The following PRKN variants were observed in gnomAD, a reference collection of about 807,000 sequenced individuals.
PRKN encodes E3 ubiquitin-protein ligase parkin.
Under a neutral mutation model 59.5 loss-of-function variants are expected in PRKN, and 56 were observed. The ratio of observed to expected loss-of-function variants is 0.94; its 90% CI spans 0.76 to 1.18. The LOEUF (loss-of-function observed/expected upper bound fraction) is 1.18. Among genes scored for constraint, PRKN ranks in the 50% most tolerant of loss-of-function variants. PRKN has a pLI of 0.00. For synonymous variants in PRKN, 250 were observed against 222.1 expected (o/e 1.13, Z -1.12); for missense variants, 657 against 596.4 (o/e 1.10, Z -1.06).
chr6:161,515,610 C>A (rs1778558999), intron 9 of PRKN, among the ~76,000 whole-genome samples: 1 of 152,172 alleles, frequency 6.6e-6, no homozygotes, highest in Admixed American at 6.5e-5. Flanking sequence ...ACTATGATAA[C>A]TACAGCAAAT....
intron 4 of PRKN, among the ~76,000 whole-genome samples, chr6:162,134,094 C>G (rs1390150710): frequency 2.0e-5 from 3 of 151,986 alleles, no homozygotes; most frequent in African/African-American, 7.3e-5. Context: ...ATTTACAAAA[C>G]TCTATATGGT....
chr6:162,580,458 T>G lies in PRKN; in HGVS notation c.8-136985A>C, dbSNP rs992220648. ...TGTCTCAGAAAAAAAAAAAAAAAAG[T>G]AAAGAAAATAACTTCAAGGAGGGAC... On this transcript the variant is annotated intron_variant, in intron 1 of 11. Transcript: ENST00000366898. Among the ~76,000 whole-genome samples, 131 of 129,924 alleles carry G rather than the reference T, an allele frequency of 1.0e-3. 1 individual carries two copies. Among genetic ancestry groups the G allele is most frequent in the African/African-American group, 3.5e-3 (118 of 33,846 alleles). The allele number at this position is 129,924 out of a possible 152,430, so 85.2% of individuals were successfully genotyped here. A position where few individuals can be genotyped will look rare whatever the true frequency, so the allele number is the denominator to read the frequency against.
intron 4 of PRKN, among the ~76,000 whole-genome samples, chr6:162,185,620 C>T (rs142795458): frequency 1.3e-5 from 2 of 152,258 alleles, no homozygotes; most frequent in Admixed American, 1.3e-4. Flanking sequence ...GACAGCAGCT[C>T]TGTGGTACGA....
At chr6:161,662,713 A>G (rs912208133) in intron 7 of PRKN, among the ~76,000 whole-genome samples, 5 of 152,200 alleles carry the variant, frequency 3.3e-5, no homozygotes, top group Non-Finnish European at 7.4e-5. Flanking sequence ...GTGGGTTCCT[A>G]ACCTGTATCT....
At chr6:162,576,637 C>T (rs1336330739) in intron 1 of PRKN, among the ~76,000 whole-genome samples, 14 of 151,976 alleles carry the variant, frequency 9.2e-5, no homozygotes, top group African/African-American at 3.1e-4. Context: ...CATGGTGAAA[C>T]CCTGTCTCTA....
At chr6:162,275,652 G>A (rs1780604647) in intron 2 of PRKN, among the ~76,000 whole-genome samples, 2 of 152,072 alleles carry the variant, frequency 1.3e-5, no homozygotes, top group Non-Finnish European at 2.9e-5. Context: ...AGGCGTGGTG[G>A]CGGATGCCTG....
rs1791316635 is a variant in PRKN at position 161,480,093 on chromosome 6, G to A, written c.1083+68761C>T. 6.6e-6 allele frequency among the ~76,000 whole-genome samples: 1 copy of A among 152,216 alleles called. No homozygotes were observed. The highest frequency in any genetic ancestry group is 2.4e-5 in the African/African-American group (1 of 41,464). On this transcript the variant is annotated intron_variant, in intron 9 of 11. Coordinates refer to ENST00000366898, the MANE Select transcript of PRKN (RefSeq NM_004562.3). The surrounding 1 kb of genome is among the most constrained non-coding windows in gnomAD (Gnocchi z 4.1). ...TGAGGAGGGCAGCCTTCAGCCGTGT[G>A]CAGGCCATAGCATGAGCGAGAAATG...
chr6:162,369,191 A>C (rs1292370070), intron 2 of PRKN, among the ~76,000 whole-genome samples: 3 of 152,242 alleles, frequency 2.0e-5, no homozygotes, highest in African/African-American at 7.2e-5. Flanking sequence ...AAAAGAAATA[A>C]AACAGGAAAC....
At chr6:162,556,689 G>A (rs2128205324) in intron 1 of PRKN, among the ~76,000 whole-genome samples, 1 of 147,690 alleles carries the variant, frequency 6.8e-6, no homozygotes, top group South Asian at 2.2e-4. Context: ...AGAGGTTGCT[G>A]TGAGCCGAGA....
chr6:161,478,071 T>C (rs953267553), intron 9 of PRKN, among the ~76,000 whole-genome samples: 1 of 152,240 alleles, frequency 6.6e-6, no homozygotes, highest in Non-Finnish European at 1.5e-5. Flanking sequence ...AATGACAATA[T>C]ACACAGGCAG....
chr6:161,769,822 T>TAACC (rs1245074351), intron 7 of PRKN, among the ~76,000 whole-genome samples: 1 of 152,262 alleles, frequency 6.6e-6, no homozygotes, highest in East Asian at 1.9e-4. Context: ...CCTCAGAAGA[T>TAACC]AACCACCACC....
intron 2 of PRKN, among the ~76,000 whole-genome samples, chr6:162,324,468 C>G (rs9458521): frequency 0.45 from 67,681 of 151,502 alleles, 16,078 homozygotes; most frequent in Non-Finnish European, 0.54. Flanking sequence ...GAAAAGAAAC[C>G]CAAATTAACC....
chr6:161,538,027 G>C lies in PRKN; in HGVS notation c.1083+10827C>G, dbSNP rs767020686. On this transcript the variant is annotated intron_variant, in intron 9 of 11. Transcript: ENST00000366898. The surrounding 1 kb of genome is among the most constrained non-coding windows in gnomAD (Gnocchi z 4.2). ...CTTTGTGAAGAAAAATGTGATGTGT[G>C]TCAGGAACAATATTATTTCTGTCTG... Among the ~76,000 whole-genome samples, 3 of 152,168 alleles carry C rather than the reference G, an allele frequency of 2.0e-5. No individual in the cohort carries two copies. The highest frequency in any genetic ancestry group is 4.4e-5 in the Non-Finnish European group (3 of 68,030).
At chr6:161,513,643 C>T (rs534422710) in intron 9 of PRKN, among the ~76,000 whole-genome samples, 119 of 151,922 alleles carry the variant, frequency 7.8e-4, no homozygotes, top group African/African-American at 2.9e-3. Context: ...TGAAGGAACC[C>T]GAAGTTGGAC....
At chr6:162,605,729 C>T (rs1371002444) in intron 1 of PRKN, among the ~76,000 whole-genome samples, 5 of 152,032 alleles carry the variant, frequency 3.3e-5, no homozygotes, top group Non-Finnish European at 7.4e-5. Flanking sequence ...AGCAAATAAA[C>T]AGCTAAAAAG....
At position 161,401,135 on chromosome 6, in the gene PRKN, A is replaced by G. The variant is rs1177038554; in HGVS notation, c.1084-14258T>C. Among the ~76,000 whole-genome samples, 1 of 152,172 alleles carries G rather than the reference A, an allele frequency of 6.6e-6. No individual in the cohort carries two copies. The highest frequency in any genetic ancestry group is 2.4e-5 in the African/African-American group (1 of 41,426). Reference sequence around the variant, plus strand: ...TTGCAGTCTCTTAATTTAGCCAACAAAGAAGGTTGGCTCAAAGACACCTGT... The same window carrying G: ...TTGCAGTCTCTTAATTTAGCCAACAGAGAAGGTTGGCTCAAAGACACCTGT... On this transcript the variant is annotated intron_variant, in intron 9 of 11. Transcript: ENST00000366898. This position sits in a 1 kb window ranked among gnomAD's most constrained non-coding sequence, Gnocchi z 4.4.
Position 161,454,581 on chromosome 6 carries a change from TGTTA to T in PRKN, c.1084-67708_1084-67705del, listed in dbSNP as rs1187853225. Among the ~76,000 whole-genome samples the T allele has an allele frequency of 1.3e-5, 2 of 152,192 alleles. No individual in the cohort carries two copies. The highest frequency in any genetic ancestry group is 4.8e-5 in the African/African-American group (2 of 41,432). Reference sequence around the variant, plus strand: ...TTCTTAATATCTGGGGTTTTGAAACTGTTAGTTCTTGGAGCAAGCCCAAGTTTAT... The same window carrying T: ...TTCTTAATATCTGGGGTTTTGAAACTGTTCTTGGAGCAAGCCCAAGTTTAT... On this transcript the variant is annotated intron_variant, in intron 9 of 11. Coordinates refer to ENST00000366898, the MANE Select transcript of PRKN (RefSeq NM_004562.3). The surrounding 1 kb of genome is among the most constrained non-coding windows in gnomAD (Gnocchi z 4.6).
intron 5 of PRKN, among the ~76,000 whole-genome samples, chr6:162,053,227 T>G (rs1777721529): frequency 6.6e-6 from 1 of 152,172 alleles, no homozygotes; most frequent in African/African-American, 2.4e-5. Flanking sequence ...AAGAGAAAGC[T>G]CCTCTCATGA....
intron 5 of PRKN, among the ~76,000 whole-genome samples, chr6:161,980,002 G>A (rs879499058): frequency 2.0e-5 from 3 of 152,032 alleles, no homozygotes; most frequent in Non-Finnish European, 2.9e-5. Context: ...GATCAGAAGC[G>A]AATTAGCCAA....
Sources: allele counts gnomAD v4.1 joint callset (sites outside exome capture counted in the v4.1 genomes callset), GRCh38; gene constraint gnomAD v4.1.1; non-coding constraint Gnocchi (gnomAD v3.1); transcripts MANE v1.5; gene names NCBI Gene and HGNC (gene_info 2026-07-23, HGNC 2026-07-21).